Variants in PTPRM observed in about 807,000 individuals in gnomAD.
PTPRM encodes protein tyrosine phosphatase receptor type M, also known as receptor-type tyrosine-protein phosphatase mu.
In PTPRM, 47 loss-of-function variants were observed where a neutral mutation model predicts 186.7. The ratio of observed to expected loss-of-function variants is 0.25; its 90% CI spans 0.20 to 0.32. The LOEUF is 0.32. Ranked by LOEUF, PTPRM falls within the 10% of genes least tolerant of loss-of-function variation. PTPRM has a pLI of 1.00. For missense variants in PTPRM, 1,494 were observed against 1,865.0 expected (o/e 0.80, Z 3.66); for synonymous variants, 668 against 674.9 (o/e 0.99, Z 0.16).
intron 1 of PTPRM, among the ~76,000 whole-genome samples, chr18:7,632,521 C>T (rs1213219488): frequency 1.3e-5 from 2 of 152,190 alleles, no homozygotes; most frequent in Non-Finnish European, 2.9e-5. Context: ...TGCCTTAGCA[C>T]TTGGTGTCGT....
intron 2 of PTPRM, among the ~76,000 whole-genome samples, chr18:7,859,539 T>C (rs1457544417): frequency 6.6e-6 from 1 of 152,214 alleles, no homozygotes; most frequent in Admixed American, 6.5e-5. Flanking sequence ...ACTTCAGTGC[T>C]CCTATTCTGA....
chr18:8,052,263 A>C (rs623258), intron 7 of PTPRM, among the ~76,000 whole-genome samples: 86,685 of 151,990 alleles, frequency 0.57, 25,165 homozygotes, highest in Non-Finnish European at 0.64. Context: ...TCACAGGCCC[A>C]ACAAATCTAA....
chr18:8,266,696 T>G (rs1012843783), intron 19 of PTPRM, among the ~76,000 whole-genome samples: 3 of 151,984 alleles, frequency 2.0e-5, no homozygotes, highest in African/African-American at 7.2e-5. Flanking sequence ...GATCACAAGG[T>G]GAGGAGTTTG....
At chr18:7,571,037 C>T (rs543448278) in intron 1 of PTPRM, among the ~76,000 whole-genome samples, 1 of 151,154 alleles carries the variant, frequency 6.6e-6, no homozygotes, top group African/African-American at 2.4e-5. Flanking sequence ...CTCCCGGGTT[C>T]GAGCGATTCT....
intron 11 of PTPRM, among the ~76,000 whole-genome samples, chr18:8,103,085 A>T (rs1250106281): frequency 6.6e-6 from 1 of 152,180 alleles, no homozygotes; most frequent in Admixed American, 6.5e-5. Context: ...AGTAAACCAT[A>T]CTGTAAATAG....
intron 2 of PTPRM, among the ~76,000 whole-genome samples, chr18:7,866,911 T>C (rs1599158225): frequency 1.3e-5 from 2 of 152,368 alleles, no homozygotes; most frequent in South Asian, 4.1e-4. Flanking sequence ...TTAGCTCTTC[T>C]TGTTGCATTG....
chr18:8,326,600 G>T (rs2095378381), intron 22 of PTPRM, among the ~76,000 whole-genome samples: 1 of 152,084 alleles, frequency 6.6e-6, no homozygotes, highest in Non-Finnish European at 1.5e-5. Flanking sequence ...TAGACCAACA[G>T]AACAGAATAG....
chr18:8,325,281 C>T (rs1477594406), intron 22 of PTPRM, among the ~76,000 whole-genome samples: 1 of 151,950 alleles, frequency 6.6e-6, no homozygotes. Flanking sequence ...AGCATAATAC[C>T]CGATAGGTAG....
chr18:7,681,172 T>G (rs1466377713), intron 1 of PTPRM, among the ~76,000 whole-genome samples: 1 of 151,954 alleles, frequency 6.6e-6, no homozygotes, highest in African/African-American at 2.4e-5. Context: ...AGTTCATATT[T>G]TAATATGAAT....
intron 5 of PTPRM, among the ~76,000 whole-genome samples, chr18:7,942,023 C>T (rs2052209431): frequency 6.6e-6 from 1 of 152,130 alleles, no homozygotes; most frequent in Non-Finnish European, 1.5e-5. Context: ...CGATGGCTCA[C>T]ACCTGTAATC....
chr18:7,738,587 C>A (rs1418754105), intron 1 of PTPRM, among the ~76,000 whole-genome samples: 1 of 149,836 alleles, frequency 6.7e-6, no homozygotes. Flanking sequence ...AGGCGCCCGC[C>A]ACCACACCCG....
chr18:7,720,058 T>C (rs1419760491), intron 1 of PTPRM, among the ~76,000 whole-genome samples: 5 of 152,182 alleles, frequency 3.3e-5, no homozygotes, highest in Non-Finnish European at 5.9e-5. Flanking sequence ...ACCCTTAAAC[T>C]TCTCCTGGAG....
Position 8,088,894 on chromosome 18 carries a change from T to C in PTPRM, c.1856+43T>C, listed in dbSNP as rs370533023. 5.9e-5 allele frequency: 83 copies of C among 1,416,298 alleles called. No homozygotes were observed. The African/African-American group carries it at 1.1e-3, about 20-fold the overall frequency. The allele number at this position is 1,416,298 out of a possible 1,614,324, so 87.7% of individuals were successfully genotyped here. On this transcript the variant is annotated intron_variant, in intron 11 of 32. Coordinates refer to ENST00000580170, the MANE Select transcript of PTPRM (RefSeq NM_001105244.2). ...GGGCCGGCTCTAGATAGAAGAAAAC[T>C]AAATCAAGTTGATTAATTCCTCCAA...
At chr18:7,877,426 T>C (rs897055696) in intron 2 of PTPRM, among the ~76,000 whole-genome samples, 2 of 152,176 alleles carry the variant, frequency 1.3e-5, no homozygotes, top group Admixed American at 1.3e-4. Context: ...ACATAAATTT[T>C]ATGGGTGTAA....
chr18:7,627,318 C>T (rs2038085353), intron 1 of PTPRM, among the ~76,000 whole-genome samples: 1 of 152,166 alleles, frequency 6.6e-6, no homozygotes, highest in African/African-American at 2.4e-5. Flanking sequence ...TAGCTGTCTC[C>T]CTCAAAGGCT....
rs143060255 is a variant in PTPRM, at chr18:7,758,279, A to C, written c.74-15870A>C. On this transcript the variant is annotated intron_variant, in intron 1 of 32. Transcript: ENST00000580170. ...CTCAAAGGGATCCATAAGCTCTTCA[A>C]AGTTTCAGAACCACTGAGCTAAGAC... is the stretch of plus-strand genomic sequence containing the variant. 8.5e-3 allele frequency among the ~76,000 whole-genome samples: 1,298 copies of C among 152,308 alleles called. 19 individuals carry two copies. The highest frequency in any genetic ancestry group is 0.026 in the African/African-American group (1,097 of 41,560).
At chr18:7,956,227 TGTTA>T (rs1378350029) in intron 7 of PTPRM, among the ~76,000 whole-genome samples, 7 of 152,292 alleles carry the variant, frequency 4.6e-5, no homozygotes, top group Middle Eastern at 3.4e-3. Flanking sequence ...ATTGTTATGG[TGTTA>T]GTTAATTATT....
chr18:7,625,714 T>C (rs531785113), intron 1 of PTPRM, among the ~76,000 whole-genome samples: 2 of 152,096 alleles, frequency 1.3e-5, no homozygotes, highest in African/African-American at 4.8e-5. Flanking sequence ...TTTGTATTTT[T>C]AATAAAGACT....
intron 7 of PTPRM, among the ~76,000 whole-genome samples, chr18:8,020,225 G>A (rs928317864): frequency 9.2e-5 from 14 of 151,916 alleles, no homozygotes; most frequent in South Asian, 2.1e-4. Context: ...TTTTTCGTGC[G>A]TGTGGCAGAG....
Sources: gnomAD v4.1 joint callset for allele counts (sites outside exome capture counted in the v4.1 genomes callset) on GRCh38, gnomAD v4.1.1 for gene constraint, MANE v1.5 for transcripts, NCBI Gene and HGNC (gene_info 2026-07-23, HGNC 2026-07-21) for gene names.